Variants in CCNY observed in about 807,000 individuals in gnomAD.
CCNY encodes the protein cyclin-Y.
Under a neutral mutation model 42.8 loss-of-function variants are expected in CCNY, and 19 were observed. The observed-to-expected ratio is 0.44, with a 90% CI of 0.31 to 0.65. The LOEUF is 0.65. Among genes scored for constraint, CCNY ranks in the 30% least tolerant of loss-of-function variants. The probability of loss-of-function intolerance (pLI) is 0.07; values close to 1 mark genes in which losing one functional copy is unlikely to be tolerated. For synonymous variants in CCNY, 165 were observed against 162.7 expected, an observed-to-expected ratio of 1.01 and a Z score of -0.11; for missense variants, 370 against 437.3, an observed-to-expected ratio of 0.85 and a Z score of 1.37.
At chr10:35,422,582 G>T (rs1039424905) in intron 1 of CCNY, among the ~76,000 whole-genome samples, 24 of 152,208 alleles carry the variant, frequency 1.6e-4, no homozygotes, top group African/African-American at 5.8e-4. Flanking sequence ...GTTGAAAGCT[G>T]TTATAGACTT....
chr10:35,254,110 C>T (rs1413500454), intron 3 of CCNY, among the ~76,000 whole-genome samples: 2 of 152,088 alleles, frequency 1.3e-5, no homozygotes, highest in East Asian at 3.9e-4. Flanking sequence ...ATCTCCTAAC[C>T]TTGTGATCCG....
intron 5 of CCNY, among the ~76,000 whole-genome samples, chr10:35,529,750 A>G (rs535399106): frequency 6.6e-6 from 1 of 152,040 alleles, no homozygotes; most frequent in East Asian, 1.9e-4. Context: ...TGTGCCTGTA[A>G]TCCCAGCTAA....
chr10:35,500,236 A>G (rs779224120), intron 2 of CCNY, among the ~76,000 whole-genome samples: 15 of 152,216 alleles, frequency 9.9e-5, no homozygotes, highest in Admixed American at 2.0e-4. Flanking sequence ...TCTATGTGTC[A>G]GTCTCTCTTT....
At chr10:35,567,799 TGA>T (rs1841601935) in intron 9 of CCNY, among the ~76,000 whole-genome samples, 1 of 152,198 alleles carries the variant, frequency 6.6e-6, no homozygotes, top group Non-Finnish European at 1.5e-5. Context: ...AAAAATCCAG[TGA>T]GAGTTTCAGA....
In CCNY at chr10:35,564,587, G is replaced by A. The variant is rs1197086959; in HGVS notation, c.747-1436G>A. Among the ~76,000 whole-genome samples the A allele has an allele frequency of 5.3e-5, 8 of 152,330 alleles. No individual in the cohort carries two copies. The East Asian group carries it at 5.8e-4, about 11-fold the overall frequency. On this transcript the variant is annotated intron_variant, in intron 8 of 9. Transcript: ENST00000374704. ...TGAGGCTCAGACCCAGACCCTCAGC[G>A]TTCAGCAGAGTTGGCAGGACATGAC...
intron 8 of CCNY, among the ~76,000 whole-genome samples, chr10:35,562,565 A>C (rs557321597): frequency 1.3e-5 from 2 of 152,322 alleles, no homozygotes; most frequent in South Asian, 4.1e-4. Flanking sequence ...GGGATCATAC[A>C]GTCTGTGTCC....
intron 7 of CCNY, among the ~76,000 whole-genome samples, chr10:35,539,793 A>G (rs1391352847): frequency 6.6e-6 from 1 of 152,240 alleles, no homozygotes; most frequent in African/African-American, 2.4e-5. Context: ...CTCAAATAAA[A>G]AAGAAAAGGA....
intron 3 of CCNY, among the ~76,000 whole-genome samples, chr10:35,256,462 G>T (rs923725713): frequency 3.9e-5 from 6 of 151,936 alleles, no homozygotes. Context: ...AAGGCTGGGC[G>T]GTGGCTCACA....
chr10:35,439,470 A>G (rs1301639254), intron 1 of CCNY, among the ~76,000 whole-genome samples: 1 of 151,402 alleles, frequency 6.6e-6, no homozygotes, highest in South Asian at 2.1e-4. Flanking sequence ...GTACTTGTTT[A>G]TAGTTTTTAT....
intron 8 of CCNY, among the ~76,000 whole-genome samples, chr10:35,561,962 G>A (rs1163066920): frequency 6.6e-6 from 1 of 152,238 alleles, no homozygotes; most frequent in Non-Finnish European, 1.5e-5. Context: ...CCAAGGGCCA[G>A]CCTTTCTCCC....
chr10:35,499,442 T>G (rs1840067003), intron 2 of CCNY, among the ~76,000 whole-genome samples: 2 of 152,092 alleles, frequency 1.3e-5, no homozygotes, highest in Non-Finnish European at 2.9e-5. Flanking sequence ...TCCCACAACA[T>G]GTGGGAATTC....
At chr10:35,438,752 C>T (rs1449584975) in intron 1 of CCNY, among the ~76,000 whole-genome samples, 2 of 152,196 alleles carry the variant, frequency 1.3e-5, no homozygotes, top group African/African-American at 4.8e-5. Flanking sequence ...TTTGTTTTTA[C>T]ACACCCTCTT....
intron 7 of CCNY, among the ~76,000 whole-genome samples, chr10:35,549,267 C>T (rs1253393417): frequency 1.3e-5 from 2 of 152,192 alleles, no homozygotes; most frequent in Non-Finnish European, 2.9e-5. Context: ...ATTAGACCCT[C>T]TCACTCTGAC....
intron 3 of CCNY, among the ~76,000 whole-genome samples, chr10:35,296,414 G>A (rs1163306838): frequency 6.6e-6 from 1 of 151,880 alleles, no homozygotes; most frequent in African/African-American, 2.4e-5. Flanking sequence ...ACCCCATGTC[G>A]ACTAAAAAAT....
chr10:35,556,178 T>TAA (rs1170067181), intron 8 of CCNY, among the ~76,000 whole-genome samples: 3 of 152,224 alleles, frequency 2.0e-5, no homozygotes, highest in Non-Finnish European at 4.4e-5. Context: ...CACATGCCTG[T>TAA]AGCTGGGCAA....
At chr10:35,475,412 G>A (rs1225467708) in intron 1 of CCNY, among the ~76,000 whole-genome samples, 3 of 151,984 alleles carry the variant, frequency 2.0e-5, no homozygotes, top group Non-Finnish European at 4.4e-5. Flanking sequence ...CCCTCAAAGG[G>A]AAGCCCATCA....
intron 1 of CCNY, among the ~76,000 whole-genome samples, chr10:35,362,149 A>G (rs1421731674): frequency 6.6e-6 from 1 of 152,374 alleles, no homozygotes; most frequent in East Asian, 1.9e-4. Context: ...ATTGAAATCC[A>G]AAACACTTCT....
intron 1 of CCNY, among the ~76,000 whole-genome samples, chr10:35,435,603 A>G (rs995365463): frequency 6.6e-6 from 1 of 152,240 alleles, no homozygotes; most frequent in Non-Finnish European, 1.5e-5. Flanking sequence ...AAGATAAAAC[A>G]TGGCACAGTC....
intron 3 of CCNY, among the ~76,000 whole-genome samples, chr10:35,508,116 G>A (rs944149103): frequency 1.3e-5 from 2 of 152,132 alleles, no homozygotes; most frequent in East Asian, 3.9e-4. Context: ...CTGTTGATCA[G>A]GCTTGACCGA....
Sources: gnomAD v4.1 joint callset for allele counts (sites outside exome capture counted in the v4.1 genomes callset) on GRCh38, gnomAD v4.1.1 for gene constraint, MANE v1.5 for transcripts, NCBI Gene and HGNC (gene_info 2026-07-23, HGNC 2026-07-21) for gene names.